The following AGBL4 variants were observed in gnomAD, a reference collection of about 807,000 sequenced individuals.
AGBL4 encodes AGBL carboxypeptidase 4.
AGBL4 carries 58 observed loss-of-function variants against 66.4 expected under a neutral mutation model. That is an observed-to-expected ratio of 0.87 (90% CI 0.71 to 1.09). The LOEUF (loss-of-function observed/expected upper bound fraction) is 1.09. Ranked by LOEUF, AGBL4 falls within the 50% of genes least tolerant of loss-of-function variation. AGBL4 has a pLI of 0.00. For synonymous variants in AGBL4, 234 were observed against 222.9 expected, an observed-to-expected ratio of 1.05 and a Z score of -0.44; for missense variants, 579 against 631.0, an observed-to-expected ratio of 0.92 and a Z score of 0.88.
At chr1:48,709,254 G>T (rs912258908) in intron 6 of AGBL4, among the ~76,000 whole-genome samples, 1 of 152,142 alleles carries the variant, frequency 6.6e-6, no homozygotes, top group Non-Finnish European at 1.5e-5. Flanking sequence ...TCTGAGCTAG[G>T]CTTTGTGGCT....
intron 2 of AGBL4, among the ~76,000 whole-genome samples, chr1:49,805,857 A>G (rs1644965242): frequency 6.6e-6 from 1 of 152,198 alleles, no homozygotes; most frequent in Non-Finnish European, 1.5e-5. Context: ...CCAGACACCA[A>G]ATTTGCCAAA....
intron 5 of AGBL4, among the ~76,000 whole-genome samples, chr1:48,995,590 A>T (rs1043211692): frequency 6.6e-6 from 1 of 152,256 alleles, no homozygotes; most frequent in African/African-American, 2.4e-5. Flanking sequence ...TAATTTGGTA[A>T]TGACTGGGGT....
At chr1:49,415,585 A>G (rs191990428) in intron 3 of AGBL4, among the ~76,000 whole-genome samples, 3 of 152,218 alleles carry the variant, frequency 2.0e-5, no homozygotes, top group Admixed American at 1.3e-4. Context: ...TAAAACTAGA[A>G]AGGTAGGTTC....
At chr1:48,776,876 G>C in intron 6 of AGBL4, 1 of 1,362,782 alleles carries the variant, frequency 7.3e-7, no homozygotes. Context: ...TCAGCCCGCG[G>C]GGCGGGCGCG....
At chr1:48,741,034 T>C (rs1649838852) in intron 6 of AGBL4, among the ~76,000 whole-genome samples, 1 of 152,200 alleles carries the variant, frequency 6.6e-6, no homozygotes, top group South Asian at 2.1e-4. Context: ...GAGAGACTCA[T>C]TTTCTGGGGG....
At chr1:48,847,106 G>A (rs1191461659) in intron 6 of AGBL4, among the ~76,000 whole-genome samples, 1 of 152,096 alleles carries the variant, frequency 6.6e-6, no homozygotes, top group Non-Finnish European at 1.5e-5. Context: ...TTCGAGACCA[G>A]CCTGATCAAC....
At chr1:49,764,340 C>A (rs1251893959) in intron 2 of AGBL4, among the ~76,000 whole-genome samples, 1 of 152,178 alleles carries the variant, frequency 6.6e-6, no homozygotes, top group Non-Finnish European at 1.5e-5. Context: ...CACAGCACAG[C>A]CACACCGCTT....
At position 49,519,613 on chromosome 1, in the gene AGBL4, C is replaced by A. The variant is rs190988535; in HGVS notation, c.282+177700G>T. ...TTTGAAACCCTATGTAGTCACATAT[C>A]TTTTTTATACCTTAGGATTCACTTT... On this transcript the variant is annotated intron_variant, in intron 3 of 13. Transcript: ENST00000371839. Among the ~76,000 whole-genome samples, 17 of 152,070 alleles carry A rather than the reference C, an allele frequency of 1.1e-4. 1 individual carries two copies. The highest frequency in any genetic ancestry group is 3.9e-4 in the African/African-American group (16 of 41,512).
At chr1:49,772,595 G>C (rs2147886650) in intron 2 of AGBL4, among the ~76,000 whole-genome samples, 1 of 152,232 alleles carries the variant, frequency 6.6e-6, no homozygotes, top group East Asian at 1.9e-4. Context: ...AAGGTCTTTA[G>C]TTCTCTTTTA....
chr1:49,347,233 T>G (rs1382188023), intron 3 of AGBL4, among the ~76,000 whole-genome samples: 2 of 149,368 alleles, frequency 1.3e-5, no homozygotes, highest in Non-Finnish European at 3.0e-5. Context: ...AAGTAGCCAT[T>G]TCCTTTCTTT....
chr1:49,685,625 G>C (rs187756523), intron 3 of AGBL4, among the ~76,000 whole-genome samples: 1 of 152,244 alleles, frequency 6.6e-6, no homozygotes, highest in Admixed American at 6.5e-5. Flanking sequence ...CCTCATAGTA[G>C]TTTCAATGTG....
intron 2 of AGBL4, among the ~76,000 whole-genome samples, chr1:49,728,851 C>T (rs1022204462): frequency 6.6e-6 from 1 of 152,122 alleles, no homozygotes; most frequent in Non-Finnish European, 1.5e-5. Context: ...AAAGGGCAGG[C>T]TTGTACTCTC....
chr1:49,736,984 A>C (rs1649946879), intron 2 of AGBL4, among the ~76,000 whole-genome samples: 1 of 152,190 alleles, frequency 6.6e-6, no homozygotes, highest in African/African-American at 2.4e-5. Flanking sequence ...CACCAGTCAG[A>C]CAATTTGACA....
In AGBL4 at chr1:49,897,653, CT is replaced by C. The variant is rs201074451; in HGVS notation, c.35-46136del. On this transcript the variant is annotated intron_variant, in intron 1 of 13. Transcript: ENST00000371839. ...AAGACTCAGAAGACCCAAAGCTATC[CT>C]AAGTAAAAAGAACAAAACTGGAGGA... Among the ~76,000 whole-genome samples, 582 of 151,968 alleles carry C rather than the reference CT, an allele frequency of 3.8e-3. 1 individual carries two copies. The highest frequency in any genetic ancestry group is 5.2e-3 in the Non-Finnish European group (353 of 67,900).
intron 6 of AGBL4, among the ~76,000 whole-genome samples, chr1:48,747,036 T>C (rs1430010268): frequency 6.6e-6 from 1 of 152,260 alleles, no homozygotes; most frequent in Non-Finnish European, 1.5e-5. Context: ...TCACTACCGA[T>C]GTTGGCAATT....
At chr1:49,661,077 T>C (rs1646260521) in intron 3 of AGBL4, among the ~76,000 whole-genome samples, 1 of 152,068 alleles carries the variant, frequency 6.6e-6, no homozygotes, top group African/African-American at 2.4e-5. Context: ...GTAACAAACC[T>C]GCATATCCTG....
At chr1:48,998,253 G>A (rs3905052) in intron 5 of AGBL4, among the ~76,000 whole-genome samples, 27,674 of 152,110 alleles carry the variant, frequency 0.18, 3,107 homozygotes, top group East Asian at 0.4. Context: ...GTGGAGCTGG[G>A]GTGTCTGCAT....
intron 5 of AGBL4, among the ~76,000 whole-genome samples, chr1:48,955,787 A>G (rs1311351696): frequency 6.6e-6 from 1 of 152,240 alleles, no homozygotes; most frequent in African/African-American, 2.4e-5. Flanking sequence ...ACCCTGGGAA[A>G]AAGTTTTAGC....
In AGBL4 at chr1:49,693,454, A is replaced by G. The variant is rs377380310; in HGVS notation, c.282+3859T>C. Among the ~76,000 whole-genome samples, 51 of 152,268 alleles carry G rather than the reference A, an allele frequency of 3.3e-4. 1 individual carries two copies. The South Asian group carries it at 9.5e-3, about 28-fold the overall frequency. ...TTGATAACAGAAAATTGTCTGTGATAATATTTAGGTTCTTTAGAAGCAAAA... is the reference window on the plus strand; with the variant it reads ...TTGATAACAGAAAATTGTCTGTGATGATATTTAGGTTCTTTAGAAGCAAAA... On this transcript the variant is annotated intron_variant, in intron 3 of 13. Coordinates refer to ENST00000371839, the MANE Select transcript of AGBL4 (RefSeq NM_032785.4).
Sources: gnomAD v4.1 joint callset for allele counts (sites outside exome capture counted in the v4.1 genomes callset) on GRCh38, gnomAD v4.1.1 for gene constraint, MANE v1.5 for transcripts, NCBI Gene and HGNC (gene_info 2026-07-23, HGNC 2026-07-21) for gene names.